The following EEA1 variants were observed in gnomAD, a reference collection of about 807,000 sequenced individuals.
The protein encoded by EEA1 is early endosome antigen 1, 162kD.
A neutral mutation model predicts 209.2 loss-of-function variants in EEA1; 111 were observed. That is an observed-to-expected ratio of 0.53 (90% CI 0.45 to 0.62). The LOEUF (loss-of-function observed/expected upper bound fraction) is 0.62, where lower values mean the gene tolerates loss of function less well. EEA1 is among the 20% of genes least tolerant of loss of function. The pLI, the probability that EEA1 is intolerant of heterozygous loss-of-function variation, is 0.00. For missense variants in EEA1, 1,343 were observed against 1,530.8 expected (o/e 0.88, Z 2.05); for synonymous variants, 536 against 540.6 (o/e 0.99, Z 0.12).
At chr12:92,827,249 G>A (rs1876352897) in intron 12 of EEA1, among the ~76,000 whole-genome samples, 2 of 152,102 alleles carry the variant, frequency 1.3e-5, no homozygotes, top group Admixed American at 6.6e-5. Flanking sequence ...CCCTACTGGG[G>A]AGACTGAGGT....
rs180885266 is a variant in EEA1, at chr12:92,845,186, T to C, written c.799-2605A>G. 3.9e-3 allele frequency among the ~76,000 whole-genome samples: 593 copies of C among 152,196 alleles called. 1 individual carries two copies. The highest frequency in any genetic ancestry group is 0.02 in the Middle Eastern group (6 of 294). On this transcript the variant is annotated intron_variant, in intron 9 of 28. Transcript: ENST00000322349. Reference sequence around the variant, plus strand: ...TTTTTATATAGATAAATTCCAGCACTTGAAACTTTAAAATTTACTCAAGGG... The same window carrying C: ...TTTTTATATAGATAAATTCCAGCACCTGAAACTTTAAAATTTACTCAAGGG...
intron 9 of EEA1, among the ~76,000 whole-genome samples, chr12:92,845,278 G>A (rs1270744564): frequency 6.6e-6 from 1 of 152,176 alleles, no homozygotes; most frequent in African/African-American, 2.4e-5. Flanking sequence ...AAGAAGAGGA[G>A]TGAGGAGAGT....
At chr12:92,913,327 G>A (rs1310568473) in intron 1 of EEA1, among the ~76,000 whole-genome samples, 1 of 152,114 alleles carries the variant, frequency 6.6e-6, no homozygotes, top group Non-Finnish European at 1.5e-5. Context: ...ATGTTTGTTG[G>A]TCACTTGTAT....
intron 13 of EEA1, among the ~76,000 whole-genome samples, chr12:92,825,323 C>T (rs1468576956): frequency 2.0e-5 from 3 of 151,856 alleles, no homozygotes; most frequent in Non-Finnish European, 4.4e-5. Context: ...CGGTGGCGGA[C>T]GCCTGTAGTC....
chr12:92,909,466 G>GT (rs1880500917), intron 1 of EEA1, among the ~76,000 whole-genome samples: 1 of 152,100 alleles, frequency 6.6e-6, no homozygotes, highest in South Asian at 2.1e-4. Context: ...ATGTAAATCC[G>GT]TGAGTTCATA....
chr12:92,842,086 CA>C (rs1325299507), intron 10 of EEA1, among the ~76,000 whole-genome samples: 9 of 151,894 alleles, frequency 5.9e-5, no homozygotes, highest in Non-Finnish European at 1.3e-4. Context: ...AAGTCAGTCA[CA>C]AAAAGACAAA....
At chr12:92,834,572 G>C (rs902494177) in intron 10 of EEA1, among the ~76,000 whole-genome samples, 4 of 125,034 alleles carry the variant, frequency 3.2e-5, no homozygotes, top group Non-Finnish European at 5.1e-5. Context: ...AAAAAAAAGA[G>C]TACTTATAAG....
Position 92,865,001 on chromosome 12 carries a change from C to A in EEA1, c.118-14G>T. 1 of 1,565,258 alleles carries A rather than the reference C, an allele frequency of 6.4e-7. No homozygotes were observed. Among genetic ancestry groups the A allele is most frequent in the Non-Finnish European group, 8.6e-7 (1 of 1,161,568 alleles). On this transcript the variant is annotated splice_polypyrimidine_tract_variant and intron_variant, in intron 2 of 28. Transcript: ENST00000322349. ...ACATATGAAACCCTATAGAAAGGGGCAGAAAAAAGTTTCAAAATAGTATTT... is the reference window on the plus strand; with the variant it reads ...ACATATGAAACCCTATAGAAAGGGGAAGAAAAAAGTTTCAAAATAGTATTT...
chr12:92,819,209 A>G, intron 14 of EEA1, 99 bp downstream of exon 14: 1 of 1,120,446 alleles, frequency 8.9e-7, no homozygotes, highest in East Asian at 2.7e-5. Context: ...AAAATGTGCT[A>G]AAAAGAGCAA....
chr12:92,829,193 G>C (rs1452470930), intron 11 of EEA1, among the ~76,000 whole-genome samples: 1 of 152,104 alleles, frequency 6.6e-6, no homozygotes, highest in East Asian at 1.9e-4. Context: ...TGTAATCCCA[G>C]CTACTCAGGA....
chr12:92,920,679 T>C (rs893865478), intron 1 of EEA1, among the ~76,000 whole-genome samples: 14 of 151,542 alleles, frequency 9.2e-5, no homozygotes, highest in South Asian at 2.1e-4. Context: ...ATTCAGGACA[T>C]AGGCATGGGC....
intron 2 of EEA1, among the ~76,000 whole-genome samples, chr12:92,890,729 T>C (rs1280319335): frequency 1.3e-5 from 2 of 152,216 alleles, no homozygotes; most frequent in Non-Finnish European, 2.9e-5. Flanking sequence ...GTCCAGCTGA[T>C]AGTTTTCCTC....
rs540037124 is a variant in EEA1 at position 92,837,266 on chromosome 12, G to A, written c.916-4416C>T. On this transcript the variant is annotated intron_variant, in intron 10 of 28. Coordinates refer to ENST00000322349, the MANE Select transcript of EEA1 (RefSeq NM_003566.4). ...TAAGTGGGTATAATAATATTTCTTA[G>A]CAGGAGAGTAAACAGACTCTCAGAG... 7.9e-5 allele frequency among the ~76,000 whole-genome samples: 12 copies of A among 152,156 alleles called. No individual in the cohort carries two copies. The South Asian group carries it at 2.3e-3, about 29-fold the overall frequency.
At position 92,872,882 on chromosome 12, in the gene EEA1, G is replaced by A. The variant is rs559274440; in HGVS notation, c.118-7895C>T. On this transcript the variant is annotated intron_variant, in intron 2 of 28. Coordinates refer to ENST00000322349, the MANE Select transcript of EEA1 (RefSeq NM_003566.4). ...GCCAGAGAATGGCTTGAACCCGGGA[G>A]GGGGGAGGTTGCAGTGAGCCAAGAT... Among the ~76,000 whole-genome samples, 8 of 152,204 alleles carry A rather than the reference G, an allele frequency of 5.3e-5. No homozygotes were observed. In the South Asian group the frequency reaches 8.3e-4, roughly 16 times the overall value.
Position 92,799,005 on chromosome 12 carries a change from T to C in EEA1, c.2854A>G (p.Lys952Glu). 1 of 1,613,588 alleles carries C rather than the reference T, an allele frequency of 6.2e-7. No individual in the cohort carries two copies. Among genetic ancestry groups the C allele is most frequent in the Non-Finnish European group, 8.5e-7 (1 of 1,179,774 alleles). Residue 952 changes from lysine to glutamate, a missense_variant, in exon 21 of 29, where the codon AAA (lysine) becomes GAA (glutamate). Coordinates refer to ENST00000322349, the MANE Select transcript of EEA1 (RefSeq NM_003566.4). ...TTCCCCTGAAGTTGTTGCTCTTCTT[T>C]TTCATTTTGTTTTAAAGTATTCTGG... The part of the protein sequence containing the change: ...QAQNTLKQNE[K>E]EEQQLQGNIN...
chr12:92,820,772 T>TAC (rs780642918), intron 13 of EEA1, among the ~76,000 whole-genome samples: 9 of 150,978 alleles, frequency 6.0e-5, no homozygotes, highest in African/African-American at 1.2e-4. Flanking sequence ...TATATATATA[T>TAC]ATACACACAC....
At chr12:92,850,953 C>A (rs530427760) in intron 9 of EEA1, among the ~76,000 whole-genome samples, 158 bp downstream of exon 9, 1 of 152,062 alleles carries the variant, frequency 6.6e-6, no homozygotes, top group South Asian at 2.1e-4. Flanking sequence ...TACTGAGAGA[C>A]CACATTGACT....
At chr12:92,777,732 T>C (rs1873719990) in intron 26 of EEA1, 69 bp from the exon 27 acceptor site, 1 of 1,452,320 alleles carries the variant, frequency 6.9e-7, no homozygotes, top group Non-Finnish European at 9.3e-7. Flanking sequence ...AGGGTATAGA[T>C]AATGGACTAC....
At chr12:92,785,908 C>T (rs1165280746) in intron 22 of EEA1, among the ~76,000 whole-genome samples, 1 of 152,080 alleles carries the variant, frequency 6.6e-6, no homozygotes, top group East Asian at 1.9e-4. Flanking sequence ...ATTATTAGTA[C>T]ACAACATAGC....
Sources: gnomAD v4.1 joint callset for allele counts (sites outside exome capture counted in the v4.1 genomes callset) on GRCh38, gnomAD v4.1.1 for gene constraint, MANE v1.5 for transcripts, NCBI Gene and HGNC (gene_info 2026-07-23, HGNC 2026-07-21) for gene names.